The following LRRC37A2 variants were observed in gnomAD, a reference collection of about 807,000 sequenced individuals.
LRRC37A2 encodes leucine-rich repeat-containing protein 37A2.
In LRRC37A2, 9 loss-of-function variants were observed where a neutral mutation model predicts 68.8. The observed-to-expected ratio is 0.13, with a 90% CI of 0.08 to 0.23. The LOEUF is 0.23. Among genes scored for constraint, LRRC37A2 ranks in the 10% least tolerant of loss-of-function variants. LRRC37A2 has a pLI of 1.00. For synonymous variants in LRRC37A2, 63 were observed against 367.6 expected, an observed-to-expected ratio of 0.17 and a Z score of 9.48; for missense variants, 168 against 950.4, an observed-to-expected ratio of 0.18 and a Z score of 10.82.
the LRRC37A2 span, among the ~76,000 whole-genome samples, chr17:47,012,023 A>G: frequency 1.3e-5 from 2 of 152,174 alleles, no homozygotes; most frequent in Non-Finnish European, 2.9e-5. Context: ...TCGTGGACAT[A>G]TCCAGTTCTT....
At chr17:46,900,202 T>TATACACATACATATATATATACACACAC in the LRRC37A2 span, among the ~76,000 whole-genome samples, 6 of 101,170 alleles carry the variant, frequency 5.9e-5, no homozygotes, top group African/African-American at 3.1e-4. Flanking sequence ...TATATATATA[T>TATACACATACATATATATATACACACAC]ACACACACAC....
At chr17:46,761,459 G>A in the LRRC37A2 span, among the ~76,000 whole-genome samples, 1 of 151,576 alleles carries the variant, frequency 6.6e-6, no homozygotes, top group African/African-American at 2.4e-5. Context: ...AGCCTCTCAA[G>A]TAGCTGGGAC....
chr17:47,036,382 A>T, the LRRC37A2 span, among the ~76,000 whole-genome samples: 1 of 152,172 alleles, frequency 6.6e-6, no homozygotes, highest in Admixed American at 6.5e-5. Context: ...AAAGAAAAAA[A>T]ATCCAGTTTG....
the LRRC37A2 span, among the ~76,000 whole-genome samples, chr17:46,499,311 CAAAAAAA>C: frequency 1.7e-5 from 1 of 60,548 alleles, no homozygotes; most frequent in Non-Finnish European, 2.7e-5. Context: ...GACTCCAGCT[CAAAAAAA>C]AAAAAAAAAA....
At chr17:46,779,786 A>G in the LRRC37A2 span, among the ~76,000 whole-genome samples, 1 of 151,906 alleles carries the variant, frequency 6.6e-6, no homozygotes, top group Non-Finnish European at 1.5e-5. Context: ...TTGAGACAGA[A>G]TCTTGCTCTG....
the LRRC37A2 span, among the ~76,000 whole-genome samples, chr17:46,714,952 T>C: frequency 1.3e-5 from 2 of 152,192 alleles, no homozygotes; most frequent in Non-Finnish European, 2.9e-5. Context: ...TTTATAAAGA[T>C]GTATTGTAGA....
the LRRC37A2 span, among the ~76,000 whole-genome samples, chr17:46,737,477 C>T: frequency 6.6e-6 from 1 of 152,108 alleles, no homozygotes; most frequent in Non-Finnish European, 1.5e-5. Context: ...CCTTTTAGCT[C>T]ATACGAGGTG....
the LRRC37A2 span, among the ~76,000 whole-genome samples, chr17:46,568,551 C>G: frequency 9.8e-6 from 1 of 101,652 alleles, no homozygotes; most frequent in East Asian, 3.9e-4. Context: ...ACACTATGGT[C>G]TCAGCACTTT....
At chr17:46,768,518 C>A in the LRRC37A2 span, 3 of 1,614,164 alleles carry the variant, frequency 1.9e-6, no homozygotes, top group Non-Finnish European at 2.5e-6. The surrounding 1 kb of genome is among the most constrained non-coding windows in gnomAD (Gnocchi z 5.0). Context: ...CAAAGGAACC[C>A]GTCTCTGGGT....
At chr17:46,751,672 A>C in the LRRC37A2 span, 3 of 1,042,256 alleles carry the variant, frequency 2.9e-6, no homozygotes, top group Non-Finnish European at 4.3e-6. Context: ...AGGACACACC[A>C]AGAGGGTTCA....
At chr17:46,770,097 G>A in the LRRC37A2 span, 2 of 1,493,180 alleles carry the variant, frequency 1.3e-6, no homozygotes, top group Non-Finnish European at 8.9e-7. Context: ...GCCTGGGAGC[G>A]CCTGCCCTGC....
At chr17:46,827,301 G>T in the LRRC37A2 span, among the ~76,000 whole-genome samples, 2 of 152,178 alleles carry the variant, frequency 1.3e-5, no homozygotes, top group African/African-American at 4.8e-5. Context: ...ATGTGCCTGA[G>T]GGAGGTCAGC....
At chr17:47,036,584 T>TA in the LRRC37A2 span, among the ~76,000 whole-genome samples, 5,274 of 148,188 alleles carry the variant, frequency 0.036, 117 homozygotes, top group Non-Finnish European at 0.053. Context: ...CAGCACCATT[T>TA]AAAAAAAAAA....
the LRRC37A2 span, chr17:46,916,760 T>C: frequency 6.6e-6 from 1 of 152,234 alleles, no homozygotes; most frequent in Non-Finnish European, 1.5e-5. Flanking sequence ...CACTGGGTAA[T>C]GTTTAAAGAA....
At chr17:46,896,146 T>G in the LRRC37A2 span, among the ~76,000 whole-genome samples, 2 of 151,240 alleles carry the variant, frequency 1.3e-5, no homozygotes, top group Admixed American at 6.6e-5. Context: ...CAAAAAAAAT[T>G]AGCTGGGCCT....
the LRRC37A2 span, chr17:46,935,719 A>G: frequency 1.0e-6 from 1 of 987,820 alleles, no homozygotes. Context: ...GCGACTCTTC[A>G]CTCCCTAGCC....
the LRRC37A2 span, among the ~76,000 whole-genome samples, chr17:46,776,497 T>C: frequency 6.6e-6 from 1 of 152,224 alleles, no homozygotes; most frequent in African/African-American, 2.4e-5. Context: ...ATTGTCCCAT[T>C]TCCAAGATGA....
At chr17:46,970,011 C>G in the LRRC37A2 span, among the ~76,000 whole-genome samples, 1 of 152,206 alleles carries the variant, frequency 6.6e-6, no homozygotes, top group Non-Finnish European at 1.5e-5. Context: ...CTGGCTCTAG[C>G]TGACTACAGC....
At chr17:47,020,407 C>T in the LRRC37A2 span, among the ~76,000 whole-genome samples, 1 of 149,726 alleles carries the variant, frequency 6.7e-6, no homozygotes, top group East Asian at 1.9e-4. Context: ...CATCTTTGTC[C>T]CTAGCTTTCT....
Sources: gnomAD v4.1 joint callset for allele counts (sites outside exome capture counted in the v4.1 genomes callset) on GRCh38, gnomAD v4.1.1 for gene constraint, Gnocchi (gnomAD v3.1) non-coding constraint, MANE v1.5 for transcripts, NCBI Gene and HGNC (gene_info 2026-07-23, HGNC 2026-07-21) for gene names.